Variants in DIP2B observed in about 807,000 individuals in gnomAD.
DIP2B encodes DIP2 acetate--CoA ligase B (putative).
A neutral mutation model predicts 198.0 loss-of-function variants in DIP2B; 76 were observed. The ratio of observed to expected loss-of-function variants is 0.38; its 90% CI spans 0.32 to 0.46. The LOEUF (loss-of-function observed/expected upper bound fraction) is 0.46, where lower values mean the gene tolerates loss of function less well. Ranked by LOEUF, DIP2B falls within the 20% of genes least tolerant of loss-of-function variation. DIP2B has a pLI of 0.99. For missense variants in DIP2B, 1,559 were observed against 1,978.4 expected (o/e 0.79, Z 4.02); for synonymous variants, 701 against 739.1 (o/e 0.95, Z 0.84).
rs757582775 is a variant in DIP2B, at chr12:50,744,719, G to A, written c.4611G>A (p.Val1537=). The A allele has an allele frequency of 1.2e-6, 2 of 1,614,068 alleles. No homozygotes were observed. Among genetic ancestry groups the A allele is most frequent in the Non-Finnish European group, 1.7e-6 (2 of 1,180,056 alleles). The change falls in exon 38 of 38, where the codon GTG becomes GTA. Residue 1537 remains valine, a synonymous_variant. Coordinates refer to ENST00000301180, the MANE Select transcript of DIP2B (RefSeq NM_173602.3). ...LEEHYLIVGV[V]VVVDPGVIPI... Reference sequence around the variant, plus strand: ...AGCATTACCTCATCGTTGGCGTCGTGGTTGTGGTGGACCCAGGTGTCATCC... The same window carrying A: ...AGCATTACCTCATCGTTGGCGTCGTAGTTGTGGTGGACCCAGGTGTCATCC...
chr12:50,559,612 A>C (rs1047830172), intron 1 of DIP2B, among the ~76,000 whole-genome samples: 2 of 151,798 alleles, frequency 1.3e-5, no homozygotes, highest in African/African-American at 4.8e-5. Flanking sequence ...GCATCCCTAT[A>C]GTTCCAGCTA....
At chr12:50,684,330 A>G (rs771883760) in intron 10 of DIP2B, among the ~76,000 whole-genome samples, 3 of 152,212 alleles carry the variant, frequency 2.0e-5, no homozygotes, top group Non-Finnish European at 4.4e-5. Flanking sequence ...TCTGGATTAT[A>G]AGATTTTACT....
In DIP2B at chr12:50,505,316, C is replaced by G. The variant is rs1448981248; in HGVS notation, c.100+76C>G. On this transcript the variant is annotated intron_variant, in intron 1 of 37. Coordinates refer to ENST00000301180, the MANE Select transcript of DIP2B (RefSeq NM_173602.3). ...ACTTGGGAGACAGGTCCCCGCCGCG[C>G]GCTCTGGCGGCCGTGCGGCGAGGGG... 4.8e-6 allele frequency: 6 copies of G among 1,241,632 alleles called. No homozygotes were observed. In the African/African-American group the frequency reaches 9.6e-5, roughly 20 times the overall value. The allele number at this position is 1,241,632 out of a possible 1,614,324, so 76.9% of individuals were successfully genotyped here.
chr12:50,589,499 C>A (rs1457665065), intron 1 of DIP2B, among the ~76,000 whole-genome samples: 1 of 152,058 alleles, frequency 6.6e-6, no homozygotes, highest in Non-Finnish European at 1.5e-5. Context: ...AATTTGTGGT[C>A]ATCCTTCAGG....
chr12:50,559,601 T>C (rs1408866475), intron 1 of DIP2B, among the ~76,000 whole-genome samples: 1 of 151,744 alleles, frequency 6.6e-6, no homozygotes, highest in Non-Finnish European at 1.5e-5. Context: ...GGTGTGGTGG[T>C]GCATCCCTAT....
intron 1 of DIP2B, among the ~76,000 whole-genome samples, chr12:50,517,717 C>G (rs1958078124): frequency 6.6e-6 from 1 of 152,230 alleles, no homozygotes; most frequent in Non-Finnish European, 1.5e-5. Context: ...TGTCTGCTCT[C>G]TAGCCATGCC....
chr12:50,698,226 T>A lies in DIP2B; in HGVS notation c.2049-102T>A, dbSNP rs1939352512. On this transcript the variant is annotated intron_variant, in intron 17 of 37. Coordinates refer to ENST00000301180, the MANE Select transcript of DIP2B (RefSeq NM_173602.3). ...TATTTTTGGGAGAGAAAATGGAGAA[T>A]TTTTTTGGTATTGTAGCCAGAGGAA... is the stretch of plus-strand genomic sequence containing the variant. The A allele has an allele frequency of 3.6e-6, 5 of 1,402,494 alleles. No homozygotes were observed. In the East Asian group the frequency reaches 9.5e-5, roughly 27 times the overall value. 86.9% of individuals were successfully genotyped at this position (1,402,494 alleles called of 1,614,324 possible). A position where few individuals can be genotyped will look rare whatever the true frequency, so the allele number is the denominator to read the frequency against.
intron 1 of DIP2B, among the ~76,000 whole-genome samples, chr12:50,541,837 A>G (rs1467411934): frequency 6.6e-6 from 1 of 151,958 alleles, no homozygotes; most frequent in African/African-American, 2.4e-5. Context: ...CCCAGTCTAC[A>G]CTAAAAATAC....
In DIP2B at chr12:50,739,575, C is replaced by T. The variant is rs906156699; in HGVS notation, c.4343C>T (p.Ala1448Val). Residue 1448 changes from alanine (A) to valine (V), a missense_variant, in exon 36 of 38, where the codon GCG becomes GTG. By Grantham distance (64) the Ala-to-Val change is moderately conservative. Transcript: ENST00000301180. Reference sequence around the variant, plus strand: ...TTTGTCCGCCGGACCGAGCTCACAGCGGCCACTGGAGGTACTTCTGCAACA... The same window carrying T: ...TTTGTCCGCCGGACCGAGCTCACAGTGGCCACTGGAGGTACTTCTGCAACA... ...LGFVRRTELT[A>V]ATGERHDALY... 2.0e-5 allele frequency: 32 copies of T among 1,613,590 alleles called. No individual in the cohort carries two copies. The highest frequency in any genetic ancestry group is 2.7e-5 in the African/African-American group (2 of 75,046).
intron 3 of DIP2B, among the ~76,000 whole-genome samples, chr12:50,649,451 G>A (rs1938415257): frequency 2.0e-5 from 3 of 152,200 alleles, no homozygotes; most frequent in African/African-American, 7.2e-5. Flanking sequence ...TGGGAATTTA[G>A]TATACAATAA....
chr12:50,620,817 C>G (rs905352238), intron 1 of DIP2B, among the ~76,000 whole-genome samples: 5 of 152,204 alleles, frequency 3.3e-5, no homozygotes, highest in African/African-American at 1.2e-4. Context: ...TCCCTTGTGG[C>G]TGGATAGCCC....
At chr12:50,687,128 A>T (rs1424844502) in intron 12 of DIP2B, among the ~76,000 whole-genome samples, 1 of 152,250 alleles carries the variant, frequency 6.6e-6, no homozygotes. Context: ...TGAGGTTGGT[A>T]TAGAAATGCA....
At position 50,712,830 on chromosome 12, in the gene DIP2B, C is replaced by A. The variant is rs190477116; in HGVS notation, c.2650-1565C>A. Among the ~76,000 whole-genome samples the A allele has an allele frequency of 4.1e-3, 621 of 152,208 alleles. 3 individuals carry two copies. Among genetic ancestry groups the A allele is most frequent in the African/African-American group, 0.015 (604 of 41,524 alleles). ...GACTGAGGCAGGAGAATTGCTTGAA[C>A]CCAGGAGGCGGAGGTTGCAGTGAGC... On this transcript the variant is annotated intron_variant, in intron 22 of 37. Coordinates refer to ENST00000301180, the MANE Select transcript of DIP2B (RefSeq NM_173602.3).
intron 1 of DIP2B, among the ~76,000 whole-genome samples, chr12:50,510,449 G>GT (rs1480451523): frequency 2.0e-5 from 3 of 152,192 alleles, no homozygotes; most frequent in Non-Finnish European, 4.4e-5. Context: ...GTCCTAGCCT[G>GT]TTTAAGACTT....
At chr12:50,732,647 T>G (rs1204893691) in intron 32 of DIP2B, 111 bp downstream of exon 32, 2 of 1,360,224 alleles carry the variant, frequency 1.5e-6, no homozygotes, top group Non-Finnish European at 2.0e-6. Flanking sequence ...CCGCACTTAC[T>G]TGCTTTGGAA....
intron 1 of DIP2B, among the ~76,000 whole-genome samples, chr12:50,542,266 G>T: frequency 7.0e-6 from 1 of 143,466 alleles, no homozygotes; most frequent in African/African-American, 2.6e-5. Flanking sequence ...AAAAAAAAAA[G>T]AAAAAAAAGA....
At chr12:50,522,983 T>A (rs1001172205) in intron 1 of DIP2B, among the ~76,000 whole-genome samples, 8 of 152,192 alleles carry the variant, frequency 5.3e-5, no homozygotes, top group Non-Finnish European at 1.2e-4. Context: ...TATAAAATAT[T>A]TCCTGGAATA....
intron 7 of DIP2B, among the ~76,000 whole-genome samples, chr12:50,677,117 T>C (rs2139530210): frequency 6.6e-6 from 1 of 152,320 alleles, no homozygotes; most frequent in East Asian, 1.9e-4. Flanking sequence ...TCCGTGCCTC[T>C]TTTCTCATCT....
Position 50,678,828 on chromosome 12 carries a change from C to T in DIP2B, c.1066C>T (p.Leu356=). The T allele has an allele frequency of 6.2e-7, 1 of 1,614,220 alleles. No homozygotes were observed. Among genetic ancestry groups the T allele is most frequent in the Non-Finnish European group, 8.5e-7 (1 of 1,180,030 alleles). ...TACCACTCAAGCAAAATGCTCCTGT[C>T]TGACTGCACTGGACATGACAGGGAA... ...WGTTQAKCSC[L]TALDMTGKPV... is the part of the protein sequence containing the mutation. The change falls in exon 8 of 38, where the codon CTG becomes TTG. Residue 356 remains leucine (L), a synonymous_variant. Coordinates refer to ENST00000301180, the MANE Select transcript of DIP2B (RefSeq NM_173602.3).
Sources: allele counts gnomAD v4.1 joint callset (sites outside exome capture counted in the v4.1 genomes callset), GRCh38; gene constraint gnomAD v4.1.1; transcripts MANE v1.5; gene names NCBI Gene and HGNC (gene_info 2026-07-23, HGNC 2026-07-21).